Variants in PCDHGA9 observed in about 807,000 individuals in gnomAD.
The protein encoded by PCDHGA9 is protocadherin gamma subfamily A, 9, also known as protocadherin gamma-A9.
In PCDHGA9, 37 loss-of-function variants were observed where a neutral mutation model predicts 62.5. The ratio of observed to expected loss-of-function variants is 0.59; its 90% CI spans 0.46 to 0.78. PCDHGA9 has a LOEUF of 0.78. PCDHGA9 is among the 30% of genes least tolerant of loss of function. The pLI, the probability that PCDHGA9 is intolerant of heterozygous loss-of-function variation, is 0.00. For missense variants in PCDHGA9, 1,138 were observed against 1,166.2 expected (o/e 0.98, Z 0.35); for synonymous variants, 459 against 484.6 (o/e 0.95, Z 0.69).
In PCDHGA9 at chr5:141,420,282, T is replaced by C. The variant is rs543435018; in HGVS notation, c.2424+14906T>C. 2.1e-5 allele frequency: 31 copies of C among 1,510,188 alleles called. No homozygotes were observed. In the African/African-American group the frequency reaches 4.0e-4, roughly 20 times the overall value. 93.5% of individuals were successfully genotyped at this position (1,510,188 alleles called of 1,614,324 possible). On this transcript the variant is annotated intron_variant, in intron 1 of 3. Coordinates refer to ENST00000573521, the MANE Select transcript of PCDHGA9 (RefSeq NM_018921.3). ...AAGAAGATTCTTAAACAGGTAAGTA[T>C]TTAAAAATGTATTTAATCCTTTTTA...
chr5:141,472,779 A>C (rs908169292), intron 1 of PCDHGA9, among the ~76,000 whole-genome samples: 5 of 152,012 alleles, frequency 3.3e-5, no homozygotes, highest in Non-Finnish European at 7.4e-5. Context: ...TGAGGTTGGG[A>C]GTTCAAGATC....
chr5:141,415,040 C>A (rs772941952), intron 1 of PCDHGA9: 3 of 1,613,520 alleles, frequency 1.9e-6, no homozygotes, highest in Non-Finnish European at 2.5e-6. Flanking sequence ...GGACTCTTCG[C>A]GGTGGGGGAG....
At chr5:141,452,201 T>G (rs552947721) in intron 1 of PCDHGA9, among the ~76,000 whole-genome samples, 131 of 152,376 alleles carry the variant, frequency 8.6e-4, no homozygotes, top group Middle Eastern at 6.8e-3. Context: ...TTGTTTTAGA[T>G]GTTACCAATA....
intron 1 of PCDHGA9, chr5:141,441,743 C>T (rs1298220876): frequency 1.4e-5 from 5 of 367,166 alleles, no homozygotes; most frequent in Non-Finnish European, 2.2e-5. Context: ...AGCTCGCGCT[C>T]GGCGTCAACG....
At chr5:141,424,715 G>A (rs1299933373) in intron 1 of PCDHGA9, 1 of 152,132 alleles carries the variant, frequency 6.6e-6, no homozygotes, top group Admixed American at 6.6e-5. Flanking sequence ...TTTCAGTGTA[G>A]TTGGGAGTCA....
intron 1 of PCDHGA9, chr5:141,408,246 A>C: frequency 6.3e-7 from 1 of 1,590,754 alleles, no homozygotes; most frequent in Non-Finnish European, 8.6e-7. Flanking sequence ...GGCCCGCGGC[A>C]GGTGCTATTT....
chr5:141,449,588 C>CAAA (rs768743917), intron 1 of PCDHGA9, among the ~76,000 whole-genome samples: 1 of 57,476 alleles, frequency 1.7e-5, no homozygotes, highest in East Asian at 5.2e-4. Context: ...GACTCTGTCT[C>CAAA]AAAAAAAAAA....
intron 1 of PCDHGA9, among the ~76,000 whole-genome samples, chr5:141,463,966 A>C (rs923614502): frequency 4.6e-5 from 7 of 152,196 alleles, no homozygotes; most frequent in African/African-American, 1.7e-4. Context: ...AAATAGCTTC[A>C]TAAAACTCCA....
chr5:141,422,478 G>C, intron 1 of PCDHGA9: 1 of 1,613,914 alleles, frequency 6.2e-7, no homozygotes, highest in Non-Finnish European at 8.5e-7. Flanking sequence ...AGTTGGTCCA[G>C]AGCTACAATA....
In PCDHGA9 at chr5:141,489,223, C is replaced by T. The variant is rs771455540; in HGVS notation, c.2425-5584C>T. The T allele has an allele frequency of 6.6e-7, 1 of 1,515,444 alleles. No homozygotes were observed. The highest frequency in any genetic ancestry group is 1.3e-5 in the South Asian group (1 of 75,776). 93.9% of individuals were successfully genotyped at this position (1,515,444 alleles called of 1,614,324 possible). A position where few individuals can be genotyped will look rare whatever the true frequency, so the allele number is the denominator to read the frequency against. The stretch of plus-strand genomic sequence containing the variant: ...CAGGACAGCACAGACTTACTCTCCA[C>T]AAAGGGACTTCTGGGTCATGGGGCC... On this transcript the variant is annotated intron_variant, in intron 1 of 3. Coordinates refer to ENST00000573521, the MANE Select transcript of PCDHGA9 (RefSeq NM_018921.3). The surrounding 1 kb of genome is among the most constrained non-coding windows in gnomAD (Gnocchi z 4.5).
chr5:141,498,197 A>C (rs1191884415), intron 2 of PCDHGA9, among the ~76,000 whole-genome samples: 1 of 152,246 alleles, frequency 6.6e-6, no homozygotes. Flanking sequence ...AACCAGCTAA[A>C]GAAAAGAAGG....
At chr5:141,509,310 G>A (rs1223508453) in intron 3 of PCDHGA9, among the ~76,000 whole-genome samples, 2 of 152,174 alleles carry the variant, frequency 1.3e-5, no homozygotes, top group Non-Finnish European at 1.5e-5. Flanking sequence ...GAGGGAGGCT[G>A]GGAGAGAAGC....
In PCDHGA9 at chr5:141,505,574, CCT is replaced by C. The variant is rs562555098; in HGVS notation, c.2572+94_2572+95del. 5.3e-5 allele frequency: 85 copies of C among 1,593,636 alleles called. No individual in the cohort carries two copies. The African/African-American group carries it at 1.0e-3, about 20-fold the overall frequency. On this transcript the variant is annotated intron_variant, in intron 3 of 3. Coordinates refer to ENST00000573521, the MANE Select transcript of PCDHGA9 (RefSeq NM_018921.3). ...CCATGCCCACGGACTGGATGTCAAACCTGTGTAGTTTCTCCAGATCTTTCGGC... is the reference window on the plus strand; with the variant it reads ...CCATGCCCACGGACTGGATGTCAAACGTGTAGTTTCTCCAGATCTTTCGGC...
At position 141,408,870 on chromosome 5, in the gene PCDHGA9, G is replaced by C. The variant is rs780987841; in HGVS notation, c.2424+3494G>C. ...TTGGACGGAGGGGACCCACCAAGAAGTGCCACCGCTCACATAGAAATTTCT... is the reference window on the plus strand; with the variant it reads ...TTGGACGGAGGGGACCCACCAAGAACTGCCACCGCTCACATAGAAATTTCT... On this transcript the variant is annotated intron_variant, in intron 1 of 3. Coordinates refer to ENST00000573521, the MANE Select transcript of PCDHGA9 (RefSeq NM_018921.3). The C allele has an allele frequency of 1.2e-6, 2 of 1,613,656 alleles. No homozygotes were observed. Among genetic ancestry groups the C allele is most frequent in the South Asian group, 1.1e-5 (1 of 91,026 alleles).
At chr5:141,494,972 C>G in intron 2 of PCDHGA9, 107 bp downstream of exon 2, 1 of 1,581,852 alleles carries the variant, frequency 6.3e-7, no homozygotes, top group Non-Finnish European at 8.6e-7. Context: ...TGGCTTCTCC[C>G]TCAGTTTGAG....
chr5:141,432,053 C>T lies in PCDHGA9; in HGVS notation c.2424+26677C>T. The T allele has an allele frequency of 6.2e-7, 1 of 1,614,240 alleles. No homozygotes were observed. Among genetic ancestry groups the T allele is most frequent in the South Asian group, 1.1e-5 (1 of 91,082 alleles). ...CGCCACTGACCGGGGAACCCCGCCC[C>T]TATCCACGGAAACTCATATCTCGCT... On this transcript the variant is annotated intron_variant, in intron 1 of 3. Transcript: ENST00000573521. The surrounding 1 kb of genome is among the most constrained non-coding windows in gnomAD (Gnocchi z 6.0).
At chr5:141,462,648 C>T (rs2099044153) in intron 1 of PCDHGA9, among the ~76,000 whole-genome samples, 1 of 137,364 alleles carries the variant, frequency 7.3e-6, no homozygotes, top group Admixed American at 7.1e-5. Flanking sequence ...TCATTTCCAT[C>T]CTCAATTATC....
rs570982273 is a variant in PCDHGA9, at chr5:141,476,764, G to T, written c.2425-18043G>T. On this transcript the variant is annotated intron_variant, in intron 1 of 3. Coordinates refer to ENST00000573521, the MANE Select transcript of PCDHGA9 (RefSeq NM_018921.3). This position sits in a 1 kb window ranked among gnomAD's most constrained non-coding sequence, Gnocchi z 7.6. ...CTAGTCTCCAGTTAGTGCTGACGGC[G>T]TTGGACGGAGGGACCCCAGCTCTCT... 1.2e-5 allele frequency: 19 copies of T among 1,613,794 alleles called. No individual in the cohort carries two copies. In the East Asian group the frequency reaches 3.8e-4, roughly 32 times the overall value.
intron 1 of PCDHGA9, among the ~76,000 whole-genome samples, chr5:141,437,923 A>G (rs893873818): frequency 2.0e-5 from 3 of 152,110 alleles, no homozygotes; most frequent in African/African-American, 7.2e-5. Context: ...TTTTTAGTAG[A>G]GATGGGGTTT....
Sources: gnomAD v4.1 joint callset for allele counts (sites outside exome capture counted in the v4.1 genomes callset) on GRCh38, gnomAD v4.1.1 for gene constraint, Gnocchi (gnomAD v3.1) non-coding constraint, MANE v1.5 for transcripts, NCBI Gene and HGNC (gene_info 2026-07-23, HGNC 2026-07-21) for gene names.